The following GULP1 variants were observed in gnomAD, a reference collection of about 807,000 sequenced individuals.
The protein encoded by GULP1 is GULP PTB domain containing engulfment adaptor 1.
GULP1 carries 19 observed loss-of-function variants against 40.9 expected under a neutral mutation model. The ratio of observed to expected loss-of-function variants is 0.46; its 90% CI spans 0.32 to 0.68. GULP1 has a LOEUF of 0.68. GULP1 is among the 30% of genes least tolerant of loss of function. GULP1 has a pLI of 0.03. For synonymous variants in GULP1, 119 were observed against 117.6 expected (o/e 1.01, Z -0.08); for missense variants, 312 against 362.2 (o/e 0.86, Z 1.12).
chr2:188,572,180 A>G (rs2153436370), intron 9 of GULP1, among the ~76,000 whole-genome samples: 1 of 152,328 alleles, frequency 6.6e-6, no homozygotes, highest in African/African-American at 2.4e-5. Flanking sequence ...GTCTTTGACC[A>G]TTTGGCTGAA....
intron 4 of GULP1, among the ~76,000 whole-genome samples, chr2:188,517,562 A>G (rs2065300950): frequency 6.6e-6 from 1 of 151,858 alleles, no homozygotes; most frequent in African/African-American, 2.4e-5. Flanking sequence ...ATATATTCAC[A>G]TACTTGCTGT....
At chr2:188,411,605 T>A (rs2053891685) in intron 2 of GULP1, among the ~76,000 whole-genome samples, 1 of 152,198 alleles carries the variant, frequency 6.6e-6, no homozygotes, top group Non-Finnish European at 1.5e-5. Context: ...TCACGTAAGA[T>A]AACAAATATC....
chr2:188,480,977 C>G (rs1403150680), intron 3 of GULP1, among the ~76,000 whole-genome samples: 1 of 151,858 alleles, frequency 6.6e-6, no homozygotes, highest in Non-Finnish European at 1.5e-5. Context: ...GTAGGTGTTT[C>G]ACCATTGTAA....
At chr2:188,348,330 C>A (rs1433096303) in intron 1 of GULP1, among the ~76,000 whole-genome samples, 1 of 152,118 alleles carries the variant, frequency 6.6e-6, no homozygotes, top group Non-Finnish European at 1.5e-5. Flanking sequence ...AAACCTGTAA[C>A]TATTAACTGA....
intron 4 of GULP1, among the ~76,000 whole-genome samples, chr2:188,513,245 A>G (rs150342401): frequency 6.6e-6 from 1 of 152,274 alleles, no homozygotes; most frequent in Non-Finnish European, 1.5e-5. Context: ...CATTATATAG[A>G]CTAATAATAC....
chr2:188,501,405 T>C (rs2063423342), intron 4 of GULP1, among the ~76,000 whole-genome samples: 1 of 151,934 alleles, frequency 6.6e-6, no homozygotes, highest in African/African-American at 2.4e-5. Context: ...CGTGGAACTG[T>C]GAGTGGGTTA....
chr2:188,491,216 G>C (rs2062356048), intron 4 of GULP1, among the ~76,000 whole-genome samples: 1 of 151,942 alleles, frequency 6.6e-6, no homozygotes, highest in Non-Finnish European at 1.5e-5. Context: ...TGAGACTTAA[G>C]GATCTGAGCA....
At chr2:188,569,413 C>A in intron 8 of GULP1, 58 bp downstream of exon 8, 1 of 898,980 alleles carries the variant, frequency 1.1e-6, no homozygotes, top group Non-Finnish European at 1.9e-6. Flanking sequence ...GGGAAACTTG[C>A]ATATCGTCAA....
chr2:188,403,886 G>T (rs770995992), intron 2 of GULP1, among the ~76,000 whole-genome samples: 72 of 152,166 alleles, frequency 4.7e-4, no homozygotes, highest in Non-Finnish European at 5.9e-4. Flanking sequence ...GCAAGGATAT[G>T]AGTTTGGACT....
At chr2:188,309,837 A>C (rs530026683) in intron 1 of GULP1, among the ~76,000 whole-genome samples, 30 of 152,226 alleles carry the variant, frequency 2.0e-4, no homozygotes, top group Non-Finnish European at 4.1e-4. Flanking sequence ...CATTCATTCA[A>C]CATACTTTTT....
intron 4 of GULP1, among the ~76,000 whole-genome samples, chr2:188,486,035 A>G (rs1474240591): frequency 6.6e-6 from 1 of 152,050 alleles, no homozygotes; most frequent in Non-Finnish European, 1.5e-5. Flanking sequence ...GTTGACACAT[A>G]AAACTGATCT....
chr2:188,500,215 C>T (rs1230052003), intron 4 of GULP1, among the ~76,000 whole-genome samples: 1 of 151,800 alleles, frequency 6.6e-6, no homozygotes, highest in Admixed American at 6.6e-5. Flanking sequence ...TTTGGTAGGT[C>T]TAGAATGAGC....
At chr2:188,399,712 A>AC (rs386392109) in intron 2 of GULP1, among the ~76,000 whole-genome samples, 2 of 150,580 alleles carry the variant, frequency 1.3e-5, no homozygotes, top group South Asian at 4.2e-4. Flanking sequence ...AAAAAAAAAA[A>AC]AACATCAAAC....
At chr2:188,519,508 T>C (rs997408208) in intron 4 of GULP1, among the ~76,000 whole-genome samples, 10 of 152,360 alleles carry the variant, frequency 6.6e-5, no homozygotes, top group South Asian at 2.1e-4. Flanking sequence ...TTTGCTTCTC[T>C]GCTCCTGCTA....
chr2:188,308,667 G>A lies in GULP1; in HGVS notation c.-172+16501G>A, dbSNP rs115469730. ...AGATGAGTTATTAAAGACTTACTGA[G>A]GTGCAGATAGACCTGGCTCCTTACC... On this transcript the variant is annotated intron_variant, in intron 1 of 11. Coordinates refer to ENST00000409830, the MANE Select transcript of GULP1 (RefSeq NM_016315.4). 4.4e-3 allele frequency among the ~76,000 whole-genome samples: 664 copies of A among 152,248 alleles called. 5 individuals carry two copies. The highest frequency in any genetic ancestry group is 0.015 in the African/African-American group (627 of 41,538).
chr2:188,460,274 C>T (rs3903251), intron 2 of GULP1, among the ~76,000 whole-genome samples: 4 of 151,980 alleles, frequency 2.6e-5, no homozygotes, highest in Non-Finnish European at 4.4e-5. Context: ...TTCCAACCCA[C>T]GAACATGGAA....
intron 5 of GULP1, among the ~76,000 whole-genome samples, chr2:188,524,215 C>CA (rs936610332): frequency 4.0e-5 from 6 of 150,962 alleles, no homozygotes; most frequent in East Asian, 1.9e-4. Context: ...AATCAAAAAC[C>CA]AAAAAAAATT....
intron 5 of GULP1, among the ~76,000 whole-genome samples, chr2:188,525,050 A>G (rs560492815): frequency 2.0e-5 from 3 of 151,994 alleles, no homozygotes; most frequent in Non-Finnish European, 4.4e-5. Context: ...CTTAGTTTTC[A>G]AAAAAATTTA....
intron 4 of GULP1, among the ~76,000 whole-genome samples, chr2:188,498,370 T>C (rs2063103507): frequency 6.6e-6 from 1 of 151,904 alleles, no homozygotes; most frequent in African/African-American, 2.4e-5. Context: ...TGTTGAATTT[T>C]AGATTCTATA....
Sources: gnomAD v4.1 joint callset for allele counts (sites outside exome capture counted in the v4.1 genomes callset) on GRCh38, gnomAD v4.1.1 for gene constraint, MANE v1.5 for transcripts, NCBI Gene and HGNC (gene_info 2026-07-23, HGNC 2026-07-21) for gene names.